The following PCGF6 variants were observed in gnomAD, a reference collection of about 807,000 sequenced individuals.
PCGF6 encodes the protein polycomb group RING finger protein 6.
In PCGF6, 24 loss-of-function variants were observed where a neutral mutation model predicts 45.5. That is an observed-to-expected ratio of 0.53 (90% confidence interval 0.38 to 0.74). The LOEUF is 0.74. PCGF6 is among the 30% of genes least tolerant of loss of function. The pLI, the probability that PCGF6 is intolerant of heterozygous loss-of-function variation, is 0.00. For synonymous variants in PCGF6, 152 were observed against 162.1 expected, an observed-to-expected ratio of 0.94 and a Z score of 0.47; for missense variants, 356 against 443.2, an observed-to-expected ratio of 0.80 and a Z score of 1.77.
At chr10:103,335,404 C>T (rs894018371) in intron 6 of PCGF6, among the ~76,000 whole-genome samples, 1 of 151,546 alleles carries the variant, frequency 6.6e-6, no homozygotes, top group African/African-American at 2.4e-5. Context: ...CACTGTCACC[C>T]AGGCAGGAGT....
At chr10:103,330,267 G>T (rs572013387) in intron 7 of PCGF6, among the ~76,000 whole-genome samples, 132 of 151,778 alleles carry the variant, frequency 8.7e-4, no homozygotes, top group African/African-American at 2.9e-3. Context: ...GTGGAGACAG[G>T]GTTTCCCCAT....
intron 7 of PCGF6, among the ~76,000 whole-genome samples, chr10:103,329,284 C>A (rs775334682): frequency 8.5e-5 from 13 of 152,084 alleles, no homozygotes; most frequent in African/African-American, 2.2e-4. Flanking sequence ...AGGTGATCCA[C>A]CCGCCTTGGC....
rs191493162 is a variant in PCGF6, at chr10:103,311,025, G to A, written c.996+3161C>T. Among the ~76,000 whole-genome samples, 88 of 152,218 alleles carry A rather than the reference G, an allele frequency of 5.8e-4. 1 individual carries two copies. The highest frequency in any genetic ancestry group is 1.9e-3 in the South Asian group (9 of 4,820). ...TAATTTTTCTATCCTTTGTAAAGAC[G>A]GGACTCGCTATACTGCCCAGGCAAG... On this transcript the variant is annotated intron_variant, in intron 9 of 9. Transcript: ENST00000369847.
At position 103,326,611 on chromosome 10, in the gene PCGF6, G is replaced by C. The variant is rs758260563; in HGVS notation, c.832C>G (p.Arg278Gly). 1.2e-6 allele frequency: 2 copies of C among 1,608,550 alleles called. No homozygotes were observed. The highest frequency in any genetic ancestry group is 2.7e-5 in the African/African-American group (2 of 74,546). The change falls in exon 8 of 10, where the codon CGA (arginine) becomes GGA (glycine). Residue 278 changes from arginine to glycine, a missense_variant. Arg to Gly is a moderately radical substitution (Grantham distance 125). Coordinates refer to ENST00000369847, the MANE Select transcript of PCGF6 (RefSeq NM_001011663.2). Reference sequence around the variant, plus strand: ...CCAATAGTTGCTTCTCCTGAAACTCGAACAAACTTCTTTTCCAATGGCTAC... The same window carrying C: ...CCAATAGTTGCTTCTCCTGAAACTCCAACAAACTTCTTTTCCAATGGCTAC... ...HFKPLEKKFV[R>G]VSGEATIGHV...
chr10:103,312,810 A>G (rs1318266806), intron 9 of PCGF6, among the ~76,000 whole-genome samples: 1 of 151,920 alleles, frequency 6.6e-6, no homozygotes, highest in Non-Finnish European at 1.5e-5. Flanking sequence ...AAAAACACAA[A>G]ATTAGTTGGG....
intron 9 of PCGF6, among the ~76,000 whole-genome samples, chr10:103,306,102 CTTT>C (rs535887691): frequency 6.9e-5 from 10 of 144,068 alleles, no homozygotes; most frequent in Admixed American, 3.5e-4. Flanking sequence ...AGCAATCCAC[CTTT>C]TTTTTTTTTT....
At chr10:103,314,131 G>T in intron 9 of PCGF6, 55 bp downstream of exon 9, 1 of 1,058,688 alleles carries the variant, frequency 9.4e-7, no homozygotes, top group Non-Finnish European at 1.4e-6. Flanking sequence ...CTGATAACAT[G>T]GATAACTTTC....
In PCGF6 at chr10:103,344,214, T is replaced by C. The variant is rs528681185; in HGVS notation, c.782+810A>G. On this transcript the variant is annotated intron_variant, in intron 6 of 9. Transcript: ENST00000369847. ...GGCAAAAACAATGCTACATATTGCT[T>C]AGGAATAGATATACACGTGGCAACC... is the stretch of plus-strand genomic sequence containing the variant. Among the ~76,000 whole-genome samples, 4 of 151,312 alleles carry C rather than the reference T, an allele frequency of 2.6e-5. No individual in the cohort carries two copies. In the East Asian group the frequency reaches 7.7e-4, roughly 29 times the overall value.
At chr10:103,309,202 G>GT (rs1313297829) in intron 9 of PCGF6, among the ~76,000 whole-genome samples, 1 of 151,880 alleles carries the variant, frequency 6.6e-6, no homozygotes, top group Non-Finnish European at 1.5e-5. Flanking sequence ...TTGGTGGGGG[G>GT]GGGGCATGAT....
intron 9 of PCGF6, among the ~76,000 whole-genome samples, chr10:103,306,318 G>A (rs922749611): frequency 5.3e-5 from 8 of 152,032 alleles, no homozygotes; most frequent in Non-Finnish European, 1.2e-4. Context: ...GGCTGGTCTT[G>A]AACTCGCGAC....
chr10:103,341,509 G>A lies in PCGF6; in HGVS notation c.782+3515C>T, dbSNP rs533699661. ...GGCTGGAGTGCACTGGTGTGATCTC[G>A]GCTCACTGCAACCTCCGCCTCTCGG... On this transcript the variant is annotated intron_variant, in intron 6 of 9. Coordinates refer to ENST00000369847, the MANE Select transcript of PCGF6 (RefSeq NM_001011663.2). Among the ~76,000 whole-genome samples, 20 of 151,116 alleles carry A rather than the reference G, an allele frequency of 1.3e-4. No homozygotes were observed. In the South Asian group the frequency reaches 3.4e-3, roughly 25 times the overall value.
At chr10:103,325,375 T>G (rs970294227) in intron 8 of PCGF6, among the ~76,000 whole-genome samples, 1 of 151,996 alleles carries the variant, frequency 6.6e-6, no homozygotes, top group African/African-American at 2.4e-5. Flanking sequence ...TGCCTCAGCC[T>G]CCTGAGTAGC....
chr10:103,333,902 G>T, intron 7 of PCGF6, 23 bp downstream of exon 7: 1 of 1,545,192 alleles, frequency 6.5e-7, no homozygotes, highest in Non-Finnish European at 8.7e-7. Context: ...CTTGTGAAAT[G>T]AATGAAAAAA....
At chr10:103,349,866 A>T (rs1365401304) in intron 1 of PCGF6, among the ~76,000 whole-genome samples, 2 of 150,186 alleles carry the variant, frequency 1.3e-5, no homozygotes, top group East Asian at 4.0e-4. Flanking sequence ...GCGGATCACG[A>T]GGTCAGGAGA....
chr10:103,328,052 T>TGA (rs2093225866), intron 7 of PCGF6, among the ~76,000 whole-genome samples: 1 of 152,060 alleles, frequency 6.6e-6, no homozygotes, highest in Non-Finnish European at 1.5e-5. Flanking sequence ...CCCAATAGTT[T>TGA]GAGGTGTAGG....
chr10:103,347,978 A>T (rs2093305840), intron 3 of PCGF6, among the ~76,000 whole-genome samples: 1 of 138,856 alleles, frequency 7.2e-6, no homozygotes, highest in Admixed American at 7.8e-5. Flanking sequence ...TATTTGTTGA[A>T]TAACAGTAAT....
chr10:103,342,596 C>A (rs570766755), intron 6 of PCGF6, among the ~76,000 whole-genome samples: 1 of 152,090 alleles, frequency 6.6e-6, no homozygotes, highest in Non-Finnish European at 1.5e-5. Flanking sequence ...CGTGTACTTG[C>A]GTATTTTCCA....
At chr10:103,346,311 G>C (rs1475417482) in intron 5 of PCGF6, among the ~76,000 whole-genome samples, 13 of 151,692 alleles carry the variant, frequency 8.6e-5, no homozygotes, top group Non-Finnish European at 1.6e-4. Flanking sequence ...GACAAACATG[G>C]AGAAACCCCG....
intron 6 of PCGF6, among the ~76,000 whole-genome samples, chr10:103,336,927 G>A (rs1049832322): frequency 2.0e-5 from 3 of 152,066 alleles, no homozygotes; most frequent in Non-Finnish European, 4.4e-5. Flanking sequence ...GCTTCACCCT[G>A]TAACATATAC....
Sources: gnomAD v4.1 joint callset for allele counts (sites outside exome capture counted in the v4.1 genomes callset) on GRCh38, gnomAD v4.1.1 for gene constraint, MANE v1.5 for transcripts, NCBI Gene and HGNC (gene_info 2026-07-23, HGNC 2026-07-21) for gene names.